Variants in PADI6 observed in about 807,000 individuals in gnomAD.
PADI6 encodes the protein inactive protein-arginine deiminase type-6.
PADI6 carries 66 observed loss-of-function variants against 78.2 expected under a neutral mutation model. The observed-to-expected ratio is 0.84, with a 90% CI of 0.69 to 1.04. PADI6 has a LOEUF of 1.04. PADI6 is among the 50% of genes least tolerant of loss of function. PADI6 has a pLI of 0.00. For synonymous variants in PADI6, 397 were observed against 346.9 expected (o/e 1.14, Z -1.60); for missense variants, 854 against 866.1 (o/e 0.99, Z 0.18).
At position 17,395,629 on chromosome 1, in the gene PADI6, T is replaced by G. The variant is rs1294461374; in HGVS notation, c.1584T>G (p.Phe528Leu). Reference protein sequence around the residue: ...QKEGYGDALLFDELRADQLLS... With the variant: ...QKEGYGDALLLDELRADQLLS... ...AAGGCTATGGCGACGCTCTTCTGTT[T>G]GATGAGCTTAGAGCAGATCAGCTCC... The change falls in exon 13 of 16, where the codon TTT (phenylalanine) becomes TTG (leucine). Residue 528 changes from phenylalanine to leucine, a missense_variant. Transcript: ENST00000619609. The G allele has an allele frequency of 6.2e-7, 1 of 1,610,730 alleles. No homozygotes were observed. Among genetic ancestry groups the G allele is most frequent in the Non-Finnish European group, 8.5e-7 (1 of 1,178,642 alleles).
chr1:17,383,488 G>A (rs1387232288), intron 6 of PADI6, among the ~76,000 whole-genome samples: 1 of 152,246 alleles, frequency 6.6e-6, no homozygotes, highest in African/African-American at 2.4e-5. Flanking sequence ...GCCGGTTCAT[G>A]TAGCTTGCTA....
intron 3 of PADI6, among the ~76,000 whole-genome samples, chr1:17,376,398 C>G (rs1259227851): frequency 6.6e-6 from 1 of 152,016 alleles, no homozygotes; most frequent in Non-Finnish European, 1.5e-5. Flanking sequence ...CTCCCAGGTT[C>G]ACACCATTCT....
intron 12 of PADI6, 50 bp downstream of exon 12, chr1:17,395,157 G>T (rs780820750): frequency 1.3e-6 from 2 of 1,555,888 alleles, no homozygotes; most frequent in Non-Finnish European, 1.7e-6. Context: ...CCTTCTGTTG[G>T]GGAATCTTGG....
At position 17,372,770 on chromosome 1, in the gene PADI6, C is replaced by A. The variant is rs116463059; in HGVS notation, c.117-286C>A. ...CCTGATCTTTTTCTTTATGGGGATC[C>A]TTTGTGGCTCCCCCCTTCTTGGGAA... is the stretch of plus-strand genomic sequence containing the variant. On this transcript the variant is annotated intron_variant, in intron 1 of 15. Coordinates refer to ENST00000619609, the MANE Select transcript of PADI6 (RefSeq NM_207421.4). 9.9e-4 allele frequency among the ~76,000 whole-genome samples: 151 copies of A among 152,126 alleles called. 2 individuals are homozygous for A. Among genetic ancestry groups the A allele is most frequent in the African/African-American group, 3.5e-3 (144 of 41,472 alleles).
chr1:17,378,153 C>T (rs548737177), intron 3 of PADI6, among the ~76,000 whole-genome samples: 1 of 152,318 alleles, frequency 6.6e-6, no homozygotes, highest in South Asian at 2.1e-4. Flanking sequence ...TAAACTTGGG[C>T]TCCCTTGATC....
chr1:17,380,955 G>T, intron 4 of PADI6, 92 bp from the exon 5 acceptor site: 1 of 1,062,034 alleles, frequency 9.4e-7, no homozygotes, highest in South Asian at 1.5e-5. Flanking sequence ...CTGGAGAAAG[G>T]CTTGGCTGGG....
At chr1:17,387,065 C>T (rs1197050406) in intron 6 of PADI6, among the ~76,000 whole-genome samples, 10 of 152,058 alleles carry the variant, frequency 6.6e-5, no homozygotes, top group African/African-American at 1.2e-4. Flanking sequence ...GCTGCCACAT[C>T]GGGCACAGAT....
chr1:17,396,984 G>C, intron 13 of PADI6, 87 bp from the exon 14 acceptor site: 1 of 1,241,170 alleles, frequency 8.1e-7, no homozygotes, highest in South Asian at 1.3e-5. Flanking sequence ...ATGCACCCAG[G>C]TGGCTGGGCC....
intron 6 of PADI6, among the ~76,000 whole-genome samples, chr1:17,384,896 G>T (rs72637458): frequency 6.6e-6 from 1 of 152,134 alleles, no homozygotes; most frequent in African/African-American, 2.4e-5. Flanking sequence ...TTCTCTCTCC[G>T]TAAAGGGAGA....
chr1:17,381,211 G>A (rs1476235870), intron 5 of PADI6, 47 bp downstream of exon 5: 1 of 1,476,334 alleles, frequency 6.8e-7, no homozygotes, highest in East Asian at 2.5e-5. Context: ...TCTCTTTGCT[G>A]CCCTGCTTCT....
intron 15 of PADI6, among the ~76,000 whole-genome samples, chr1:17,399,241 C>T (rs1263097233): frequency 1.3e-5 from 2 of 152,206 alleles, no homozygotes; most frequent in African/African-American, 4.8e-5. Context: ...GTGGGTCTTC[C>T]TGTCCGCTAT....
At chr1:17,386,262 C>A (rs1255950525) in intron 6 of PADI6, among the ~76,000 whole-genome samples, 1 of 152,182 alleles carries the variant, frequency 6.6e-6, no homozygotes, top group Non-Finnish European at 1.5e-5. Context: ...AAACACCTAC[C>A]ACAGCTCCTA....
intron 6 of PADI6, among the ~76,000 whole-genome samples, chr1:17,386,159 T>TC (rs2075117340): frequency 6.6e-6 from 1 of 152,038 alleles, no homozygotes; most frequent in Non-Finnish European, 1.5e-5. Flanking sequence ...TGTACTTGGG[T>TC]CGCAGGGCTT....
At chr1:17,391,724 G>T (rs2075186104) in intron 8 of PADI6, among the ~76,000 whole-genome samples, 1 of 152,238 alleles carries the variant, frequency 6.6e-6, no homozygotes, top group South Asian at 2.1e-4. Flanking sequence ...GCCGAGGCAG[G>T]AGACTCACTT....
chr1:17,381,657 GAGACTGGAAACA>G lies in PADI6; in HGVS notation c.554-295_554-284del, dbSNP rs371626367. On this transcript the variant is annotated intron_variant, in intron 5 of 15. Transcript: ENST00000619609. ...AGAATGGAATGTCTTGTTTCCTACTGAGACTGGAAACAAGACTGGAAACAAGGTGAACCTTCA... is the reference window on the plus strand; with the variant it reads ...AGAATGGAATGTCTTGTTTCCTACTGAGACTGGAAACAAGGTGAACCTTCA... Among the ~76,000 whole-genome samples, 311 of 152,278 alleles carry G rather than the reference GAGACTGGAAACA, an allele frequency of 2.0e-3. 2 individuals carry two copies. The South Asian group carries it at 0.021, about 10-fold the overall frequency.
chr1:17,385,829 G>A (rs942564708), intron 6 of PADI6, among the ~76,000 whole-genome samples: 3 of 152,200 alleles, frequency 2.0e-5, no homozygotes, highest in African/African-American at 7.2e-5. Context: ...TGGCCGAGAA[G>A]TGCCAGTGAA....
intron 14 of PADI6, among the ~76,000 whole-genome samples, chr1:17,397,378 G>T (rs1423530978): frequency 1.3e-5 from 2 of 152,174 alleles, no homozygotes; most frequent in Non-Finnish European, 2.9e-5. Context: ...AACACAGCAC[G>T]ATGTACCTTT....
intron 8 of PADI6, among the ~76,000 whole-genome samples, chr1:17,390,014 A>C (rs2075166563): frequency 6.6e-6 from 1 of 152,136 alleles, no homozygotes; most frequent in Non-Finnish European, 1.5e-5. Context: ...TAATAGGAAA[A>C]GGTGGCCAGT....
chr1:17,373,035 GTC>G lies in PADI6; in HGVS notation c.117-17_117-16del, dbSNP rs747143113. ...AGAAGGTGTTTGTGCCCTGACGCGT[GTC>G]TCTTACCGGGCAAACCAGGTGTGCC... On this transcript the variant is annotated intron_variant, in intron 1 of 15. Transcript: ENST00000619609. 42 of 1,610,072 alleles carry G rather than the reference GTC, an allele frequency of 2.6e-5. No individual in the cohort carries two copies. The highest frequency in any genetic ancestry group is 3.6e-5 in the Non-Finnish European group (42 of 1,176,808).
Sources: gnomAD v4.1 joint callset for allele counts (sites outside exome capture counted in the v4.1 genomes callset) on GRCh38, gnomAD v4.1.1 for gene constraint, MANE v1.5 for transcripts, NCBI Gene and HGNC (gene_info 2026-07-23, HGNC 2026-07-21) for gene names.